PPP2R3A: variants seen among roughly 807,000 people sequenced by gnomAD.
PPP2R3A encodes the protein protein phosphatase 2 regulatory subunit B''alpha.
Under a neutral mutation model 106.9 loss-of-function variants are expected in PPP2R3A, and 80 were observed. The observed-to-expected ratio is 0.75, with a 90% CI of 0.62 to 0.90. The LOEUF is 0.90. Among genes scored for constraint, PPP2R3A ranks in the 40% least tolerant of loss-of-function variants. The pLI, the probability that PPP2R3A is intolerant of heterozygous loss-of-function variation, is 0.00. For missense variants in PPP2R3A, 1,386 were observed against 1,350.4 expected (o/e 1.03, Z -0.41); for synonymous variants, 483 against 468.3 (o/e 1.03, Z -0.41).
intron 12 of PPP2R3A, among the ~76,000 whole-genome samples, chr3:136,106,009 A>C (rs1210298388): frequency 6.6e-6 from 1 of 152,160 alleles, no homozygotes; most frequent in African/African-American, 2.4e-5. Context: ...TACCTAAAAA[A>C]CCTGGCTGCT....
At chr3:136,054,627 A>G (rs13097248) in intron 5 of PPP2R3A, among the ~76,000 whole-genome samples, 15,116 of 152,282 alleles carry the variant, frequency 0.099, 1,026 homozygotes, top group Non-Finnish European at 0.15. Context: ...ACATGCATTT[A>G]AAAATATTTA....
chr3:136,145,446 T>C lies in PPP2R3A; in HGVS notation c.*280T>C. 1 of 225,148 alleles carries C rather than the reference T, an allele frequency of 4.4e-6. No individual in the cohort carries two copies. The highest frequency in any genetic ancestry group is 6.8e-5 in the South Asian group (1 of 14,666). The allele number at this position is 225,148 out of a possible 1,614,324, so 13.9% of individuals were successfully genotyped here. ...ACTCTTGAATGTACCAAGGATCTCTTGGCGACAGTACCAAGCACGGTTCTC... is the reference window on the plus strand; with the variant it reads ...ACTCTTGAATGTACCAAGGATCTCTCGGCGACAGTACCAAGCACGGTTCTC... On this transcript the variant is annotated 3_prime_UTR_variant, in exon 14 of 14. Coordinates refer to ENST00000264977, the MANE Select transcript of PPP2R3A (RefSeq NM_002718.5).
At chr3:135,995,447 ATTTTTTTTTT>A (rs60359404) in intron 1 of PPP2R3A, among the ~76,000 whole-genome samples, 2 of 87,306 alleles carry the variant, frequency 2.3e-5, no homozygotes, top group Non-Finnish European at 4.3e-5. Flanking sequence ...ACGTTGACAG[ATTTTTTTTTT>A]TTTTTTTTTT....
chr3:136,106,465 GATT>G (rs1387220170), intron 13 of PPP2R3A, 143 bp downstream of exon 13: 3 of 679,948 alleles, frequency 4.4e-6, no homozygotes, highest in Non-Finnish European at 7.4e-6. Context: ...TTAGTTAAAT[GATT>G]ATTTTTTCCA....
chr3:136,065,857 A>G (rs775986381), intron 5 of PPP2R3A, among the ~76,000 whole-genome samples: 15 of 152,072 alleles, frequency 9.9e-5, no homozygotes, highest in East Asian at 1.9e-4. Context: ...TACATTTTTT[A>G]TAGAGACAAG....
At chr3:136,017,763 A>G (rs1357839375) in intron 2 of PPP2R3A, among the ~76,000 whole-genome samples, 2 of 152,172 alleles carry the variant, frequency 1.3e-5, no homozygotes, top group Non-Finnish European at 2.9e-5. Flanking sequence ...ACCTGCTTCT[A>G]ACACTAACCT....
chr3:136,114,493 G>A (rs1355218968), intron 13 of PPP2R3A, among the ~76,000 whole-genome samples: 1 of 152,200 alleles, frequency 6.6e-6, no homozygotes, highest in Non-Finnish European at 1.5e-5. Flanking sequence ...CTGGCTCAGT[G>A]GGTCCCACCC....
intron 5 of PPP2R3A, among the ~76,000 whole-genome samples, chr3:136,052,004 A>G (rs1935702257): frequency 6.6e-6 from 1 of 152,200 alleles, no homozygotes; most frequent in South Asian, 2.1e-4. Flanking sequence ...GTTCCCCTAA[A>G]AAAAATACTC....
chr3:135,985,792 A>G (rs151181558), intron 1 of PPP2R3A, among the ~76,000 whole-genome samples: 4 of 152,338 alleles, frequency 2.6e-5, no homozygotes, highest in African/African-American at 9.6e-5. Flanking sequence ...TTGTGGGAAA[A>G]AAAGATCAAG....
At chr3:136,050,654 G>T (rs556219452) in intron 5 of PPP2R3A, among the ~76,000 whole-genome samples, 1 of 152,302 alleles carries the variant, frequency 6.6e-6, no homozygotes, top group African/African-American at 2.4e-5. Context: ...CACCCCTAGG[G>T]TGTTGCCAGG....
rs1295636895 is a variant in PPP2R3A, at chr3:135,986,831, T to C, written c.-440-14228T>C. 2.6e-5 allele frequency among the ~76,000 whole-genome samples: 4 copies of C among 152,174 alleles called. No individual in the cohort carries two copies. In the East Asian group the frequency reaches 7.7e-4, roughly 29 times the overall value. On this transcript the variant is annotated intron_variant, in intron 1 of 13. Transcript: ENST00000264977. ...TGCATGAACATATGCTTTTATTTCT[T>C]CCATGTTAAAAACAATCCTTCTTGA...
At chr3:136,003,588 TGTTCTACTAAAGCTCTGCCCTACACTAG>T in intron 2 of PPP2R3A, 95 bp downstream of exon 2, 7 of 1,185,178 alleles carry the variant, frequency 5.9e-6, no homozygotes, top group Non-Finnish European at 8.2e-6. Context: ...AGCCATTTTT[TGTTCTACTAAAGCTCTGCCCTACACTAG>T]GAATGATCTC....
chr3:136,074,127 C>G (rs747744177), intron 6 of PPP2R3A, among the ~76,000 whole-genome samples: 8 of 152,182 alleles, frequency 5.3e-5, no homozygotes, highest in South Asian at 2.1e-4. Context: ...GCTAGTGTTA[C>G]TCAGTTCTTT....
Position 136,002,747 on chromosome 3 carries a change from A to G in PPP2R3A, c.1249A>G (p.Ile417Val), listed in dbSNP as rs201359282. The change falls in exon 2 of 14, where the codon ATT (isoleucine) becomes GTT (valine). Residue 417 changes from isoleucine to valine, a missense_variant. By Grantham distance (29) the Ile-to-Val change is conservative. Coordinates refer to ENST00000264977, the MANE Select transcript of PPP2R3A (RefSeq NM_002718.5). Reference protein sequence around the residue: ...SSDDLMETLYIEEESDGKKAL... With the variant: ...SSDDLMETLYVEEESDGKKAL... ...TGACGACTTAATGGAAACTCTTTATATTGAAGAAGAGTCAGATGGAAAGAA... is the reference window on the plus strand; with the variant it reads ...TGACGACTTAATGGAAACTCTTTATGTTGAAGAAGAGTCAGATGGAAAGAA... 1.2e-5 allele frequency: 19 copies of G among 1,612,640 alleles called. No individual in the cohort carries two copies. The highest frequency in any genetic ancestry group is 1.7e-5 in the Admixed American group (1 of 59,814).
intron 6 of PPP2R3A, among the ~76,000 whole-genome samples, chr3:136,071,217 T>C (rs1442208170): frequency 6.6e-6 from 1 of 152,244 alleles, no homozygotes; most frequent in Non-Finnish European, 1.5e-5. Context: ...TCAAGTGAGA[T>C]GGCCCTGGCA....
chr3:135,975,931 C>G (rs535820322), intron 1 of PPP2R3A, among the ~76,000 whole-genome samples: 71 of 152,234 alleles, frequency 4.7e-4, no homozygotes, highest in African/African-American at 1.7e-3. Context: ...TCTTCATACC[C>G]TCACCAATTT....
chr3:136,097,507 TTCTC>T (rs1399523061), intron 10 of PPP2R3A, among the ~76,000 whole-genome samples: 1 of 152,242 alleles, frequency 6.6e-6, no homozygotes, highest in Non-Finnish European at 1.5e-5. Flanking sequence ...CTAGCTTTCT[TTCTC>T]TCTTACGGGC....
rs1230972942 is a variant in PPP2R3A, at chr3:136,112,753, A to G, written c.3329+6431A>G. 3.3e-5 allele frequency among the ~76,000 whole-genome samples: 5 copies of G among 152,242 alleles called. No homozygotes were observed. The East Asian group carries it at 9.6e-4, about 29-fold the overall frequency. The stretch of plus-strand genomic sequence containing the variant: ...GAATCAATATTGTTAACATGGGCAT[A>G]CTACCCAAAGCAATCTACAGATTCA... On this transcript the variant is annotated intron_variant, in intron 13 of 13. Transcript: ENST00000264977.
chr3:136,079,387 A>G (rs888701106), intron 7 of PPP2R3A: 36 of 183,460 alleles, frequency 2.0e-4, no homozygotes, highest in Non-Finnish European at 3.4e-4. Context: ...TAGTTTCTGA[A>G]TCATTTTTAT....
Sources: gnomAD v4.1 joint callset for allele counts (sites outside exome capture counted in the v4.1 genomes callset) on GRCh38, gnomAD v4.1.1 for gene constraint, MANE v1.5 for transcripts, NCBI Gene and HGNC (gene_info 2026-07-23, HGNC 2026-07-21) for gene names.